Variants in TCF4 observed in about 807,000 individuals in gnomAD.
TCF4 encodes the protein SL3-3 enhancer factor 2.
In TCF4, 3 loss-of-function variants were observed where a neutral mutation model predicts 82.1. That is an observed-to-expected ratio of 0.04 (90% CI 0.02 to 0.09). The LOEUF (loss-of-function observed/expected upper bound fraction) is 0.09, where lower values mean the gene tolerates loss of function less well. Ranked by LOEUF, TCF4 falls within the 10% of genes least tolerant of loss-of-function variation. TCF4 has a pLI of 1.00. For synonymous variants in TCF4, 276 were observed against 309.6 expected (o/e 0.89, Z 1.14); for missense variants, 518 against 852.7 (o/e 0.61, Z 4.89).
At chr18:55,547,372 A>C (rs775554162) in intron 3 of TCF4, among the ~76,000 whole-genome samples, 4 of 152,208 alleles carry the variant, frequency 2.6e-5, no homozygotes, top group Non-Finnish European at 4.4e-5. Flanking sequence ...GCCATGTTAT[A>C]TTTACAATAA....
intron 5 of TCF4, among the ~76,000 whole-genome samples, chr18:55,404,699 TA>T (rs2093999221): frequency 6.6e-6 from 1 of 152,198 alleles, no homozygotes; most frequent in East Asian, 1.9e-4. Flanking sequence ...ATGGCAATGT[TA>T]TTAGAGTATG....
intron 3 of TCF4, among the ~76,000 whole-genome samples, chr18:55,498,456 C>G (rs1001609961): frequency 2.6e-5 from 4 of 152,210 alleles, no homozygotes; most frequent in African/African-American, 9.6e-5. Context: ...GCTGTCTTCT[C>G]TAAGGCAAGC....
At chr18:55,323,740 C>T (rs929303790) in intron 8 of TCF4, among the ~76,000 whole-genome samples, 13 of 152,186 alleles carry the variant, frequency 8.5e-5, no homozygotes, top group Admixed American at 8.5e-4. Context: ...TATGTAAAAA[C>T]CACCACTTAG....
chr18:55,274,107 A>G (rs2060972236), intron 10 of TCF4, among the ~76,000 whole-genome samples: 1 of 152,200 alleles, frequency 6.6e-6, no homozygotes, highest in South Asian at 2.1e-4. Context: ...GGACACATAC[A>G]GTTTTGACCA....
At chr18:55,388,989 G>C (rs1371691768) in intron 6 of TCF4, among the ~76,000 whole-genome samples, 1 of 151,964 alleles carries the variant, frequency 6.6e-6, no homozygotes, top group East Asian at 1.9e-4. Flanking sequence ...AGCCGGGCAT[G>C]GTGGTGGGCG....
intron 15 of TCF4, among the ~76,000 whole-genome samples, chr18:55,253,216 C>A (rs912859411): frequency 6.6e-6 from 1 of 152,108 alleles, no homozygotes; most frequent in Non-Finnish European, 1.5e-5. Flanking sequence ...TTAAGAGAAA[C>A]TGAAAGATGG....
intron 6 of TCF4, chr18:55,351,268 G>T (rs1042937924): frequency 5.0e-6 from 2 of 402,354 alleles, no homozygotes; most frequent in Admixed American, 8.2e-5. Context: ...GATGACTCAC[G>T]TTTTCATTTC....
intron 3 of TCF4, among the ~76,000 whole-genome samples, chr18:55,492,008 T>C (rs2096582023): frequency 6.6e-6 from 1 of 152,178 alleles, no homozygotes. Flanking sequence ...TTGTTAAACA[T>C]TTTGTTCCGA....
At chr18:55,525,073 C>G (rs2096967325) in intron 3 of TCF4, among the ~76,000 whole-genome samples, 1 of 152,000 alleles carries the variant, frequency 6.6e-6, no homozygotes, top group East Asian at 1.9e-4. Context: ...CCCCTTTCCC[C>G]CTCTCTCTCC....
At chr18:55,391,297 T>C (rs1316521849) in intron 6 of TCF4, among the ~76,000 whole-genome samples, 2 of 152,214 alleles carry the variant, frequency 1.3e-5, no homozygotes, top group Non-Finnish European at 2.9e-5. Flanking sequence ...GGGTGCAAGT[T>C]AAGGTGTATT....
chr18:55,500,830 C>T (rs1186935613), intron 3 of TCF4, among the ~76,000 whole-genome samples: 1 of 152,196 alleles, frequency 6.6e-6, no homozygotes, highest in Admixed American at 6.5e-5. Context: ...CCACTGGCTT[C>T]ATTATATCAC....
At chr18:55,283,025 A>G (rs1170463476) in intron 8 of TCF4, among the ~76,000 whole-genome samples, 1 of 152,142 alleles carries the variant, frequency 6.6e-6, no homozygotes, top group Non-Finnish European at 1.5e-5. Flanking sequence ...CTAGTAACAC[A>G]GTATATTTAA....
chr18:55,402,724 A>C (rs981512895), intron 6 of TCF4, among the ~76,000 whole-genome samples: 7 of 152,220 alleles, frequency 4.6e-5, no homozygotes, highest in African/African-American at 1.7e-4. Flanking sequence ...AACAAAGCTT[A>C]TACTTTTAGC....
chr18:55,428,377 T>C (rs1454268236), intron 5 of TCF4, among the ~76,000 whole-genome samples: 2 of 152,170 alleles, frequency 1.3e-5, no homozygotes, highest in Non-Finnish European at 2.9e-5. Context: ...AGCAATCTCA[T>C]ACCATCAACT....
chr18:55,635,022 CAT>C (rs1266363629), intron 1 of TCF4, among the ~76,000 whole-genome samples: 13 of 152,138 alleles, frequency 8.5e-5, no homozygotes, highest in African/African-American at 2.9e-4. Flanking sequence ...AGAAAAAACA[CAT>C]GAGAGTGGTT....
chr18:55,379,030 T>G (rs1014889357), intron 6 of TCF4, among the ~76,000 whole-genome samples: 1 of 152,204 alleles, frequency 6.6e-6, no homozygotes, highest in Non-Finnish European at 1.5e-5. Flanking sequence ...GATGTCACAC[T>G]CTCAGTTATG....
intron 3 of TCF4, among the ~76,000 whole-genome samples, chr18:55,548,461 C>T (rs910746210): frequency 6.6e-6 from 1 of 152,158 alleles, no homozygotes; most frequent in African/African-American, 2.4e-5. Flanking sequence ...GATTTTGATT[C>T]CTCTCACTAA....
intron 3 of TCF4, among the ~76,000 whole-genome samples, chr18:55,527,856 C>T (rs1291859307): frequency 6.6e-6 from 1 of 152,054 alleles, no homozygotes; most frequent in Non-Finnish European, 1.5e-5. Flanking sequence ...AACGTATTTT[C>T]TGTTATAAAA....
At chr18:55,265,999 T>A (rs535177620) in intron 11 of TCF4, 1 of 152,270 alleles carries the variant, frequency 6.6e-6, no homozygotes, top group East Asian at 1.9e-4. Flanking sequence ...TATGACCAGT[T>A]CTCTCTGAGG....
Sources: gnomAD v4.1 joint callset for allele counts (sites outside exome capture counted in the v4.1 genomes callset) on GRCh38, gnomAD v4.1.1 for gene constraint, MANE v1.5 for transcripts, NCBI Gene and HGNC (gene_info 2026-07-23, HGNC 2026-07-21) for gene names.